CSMD2: variants seen among roughly 807,000 people sequenced by gnomAD.
CSMD2 encodes the protein CUB and sushi domain-containing protein 2.
Under a neutral mutation model 398.5 loss-of-function variants are expected in CSMD2, and 130 were observed. The observed-to-expected ratio is 0.33, with a 90% CI of 0.28 to 0.38. The LOEUF is 0.38. Ranked by LOEUF, CSMD2 falls within the 10% of genes least tolerant of loss-of-function variation. CSMD2 has a pLI of 1.00. For synonymous variants in CSMD2, 1,828 were observed against 1,908.5 expected (o/e 0.96, Z 1.10); for missense variants, 3,829 against 4,764.9 (o/e 0.80, Z 5.78).
At chr1:33,747,497 T>C (rs1647548259) in intron 13 of CSMD2, among the ~76,000 whole-genome samples, 1 of 152,228 alleles carries the variant, frequency 6.6e-6, no homozygotes, top group African/African-American at 2.4e-5. Flanking sequence ...TAATAGAATA[T>C]GAAATAGCTT....
At chr1:33,662,748 C>A (rs1644178788) in intron 26 of CSMD2, 142 bp downstream of exon 26, 5 of 829,982 alleles carry the variant, frequency 6.0e-6, no homozygotes, top group Non-Finnish European at 1.0e-5. Context: ...TGAACAGGTG[C>A]TAACCATGTA....
chr1:34,136,964 T>G (rs772680457), intron 1 of CSMD2, among the ~76,000 whole-genome samples: 3 of 152,082 alleles, frequency 2.0e-5, no homozygotes, highest in Admixed American at 6.6e-5. Flanking sequence ...ATCCATTCCA[T>G]CCATTGATCC....
chr1:34,126,857 G>T (rs1662792850), intron 1 of CSMD2, among the ~76,000 whole-genome samples: 1 of 151,768 alleles, frequency 6.6e-6, no homozygotes, highest in African/African-American at 2.4e-5. Context: ...AGGGAATAGG[G>T]ACACAGAGAC....
chr1:33,619,854 T>C (rs1641649775), intron 37 of CSMD2, among the ~76,000 whole-genome samples: 1 of 152,230 alleles, frequency 6.6e-6, no homozygotes. Flanking sequence ...TTTCAAGTGT[T>C]TCACTTGTCA....
At chr1:33,573,916 G>A (rs10798969) in intron 49 of CSMD2, among the ~76,000 whole-genome samples, 32,301 of 150,602 alleles carry the variant, frequency 0.21, 3,654 homozygotes, top group Non-Finnish European at 0.25. Flanking sequence ...TAGAAAGAGG[G>A]AAAAAAAAAT....
At chr1:33,566,109 A>C (rs1447622947) in intron 53 of CSMD2, among the ~76,000 whole-genome samples, 1 of 151,906 alleles carries the variant, frequency 6.6e-6, no homozygotes, top group East Asian at 1.9e-4. Context: ...AGAAAAAAAA[A>C]ACAGTGGGAA....
intron 13 of CSMD2, among the ~76,000 whole-genome samples, chr1:33,749,337 G>A (rs1647876176): frequency 1.3e-5 from 2 of 151,984 alleles, no homozygotes; most frequent in Non-Finnish European, 2.9e-5. Flanking sequence ...CTGACCTCAT[G>A]ATCCACCCGC....
At chr1:33,812,583 T>C (rs12043217) in intron 9 of CSMD2, among the ~76,000 whole-genome samples, 17,530 of 152,274 alleles carry the variant, frequency 0.12, 1,203 homozygotes, top group East Asian at 0.26. Context: ...CGAGGTCAGG[T>C]TTTAAAATTT....
chr1:33,857,990 C>A (rs1224499956), intron 5 of CSMD2, among the ~76,000 whole-genome samples: 1 of 152,196 alleles, frequency 6.6e-6, no homozygotes, highest in Admixed American at 6.5e-5. Flanking sequence ...TGTCCTGTAT[C>A]CTTTCATAGG....
At chr1:34,059,298 CCTT>C (rs1654202451) in intron 2 of CSMD2, among the ~76,000 whole-genome samples, 1 of 152,090 alleles carries the variant, frequency 6.6e-6, no homozygotes, top group Non-Finnish European at 1.5e-5. Flanking sequence ...ACCCATGGGC[CCTT>C]CTTCTGTGCC....
intron 4 of CSMD2, among the ~76,000 whole-genome samples, chr1:33,929,225 T>A (rs556326665): frequency 1.3e-5 from 2 of 152,132 alleles, no homozygotes; most frequent in African/African-American, 4.8e-5. Flanking sequence ...CGCCTGTCCC[T>A]CCACCTCTAC....
chr1:33,996,592 G>A (rs184291580), intron 3 of CSMD2, among the ~76,000 whole-genome samples: 18 of 152,298 alleles, frequency 1.2e-4, no homozygotes, highest in Admixed American at 1.2e-3. Context: ...CTCACTCAAG[G>A]GGCCACCCCT....
intron 3 of CSMD2, among the ~76,000 whole-genome samples, chr1:34,018,229 T>C (rs950704163): frequency 6.6e-6 from 1 of 152,214 alleles, no homozygotes; most frequent in Admixed American, 6.5e-5. Context: ...AATGCTATTA[T>C]ACTTTTAAAT....
intron 12 of CSMD2, among the ~76,000 whole-genome samples, chr1:33,774,136 T>A (rs1274676737): frequency 7.4e-6 from 1 of 135,130 alleles, no homozygotes; most frequent in Non-Finnish European, 1.6e-5. Context: ...TGTGTGTGTG[T>A]GTGTGTGTGT....
intron 44 of CSMD2, chr1:33,599,962 G>T: frequency 1.7e-6 from 1 of 597,408 alleles, no homozygotes; most frequent in Non-Finnish European, 3.0e-6. Context: ...TACTGCGGAG[G>T]CTGGGTTCTG....
At chr1:33,553,937 C>T (rs1195561517) in intron 55 of CSMD2, among the ~76,000 whole-genome samples, 1 of 152,060 alleles carries the variant, frequency 6.6e-6, no homozygotes, top group East Asian at 1.9e-4. Context: ...TAATCCAGAG[C>T]AAGGCCCTGA....
At chr1:33,714,480 G>T in intron 21 of CSMD2, 107 bp downstream of exon 21, 1 of 1,332,352 alleles carries the variant, frequency 7.5e-7, no homozygotes. Context: ...GGTAAGTGTG[G>T]GCTAAGTCAG....
At chr1:34,034,807 C>A (rs1273541562) in intron 2 of CSMD2, among the ~76,000 whole-genome samples, 1 of 152,026 alleles carries the variant, frequency 6.6e-6, no homozygotes, top group African/African-American at 2.4e-5. Flanking sequence ...TGACAAAAAA[C>A]TGTAAAAGAT....
intron 25 of CSMD2, among the ~76,000 whole-genome samples, chr1:33,678,025 G>A (rs1286526583): frequency 2.7e-5 from 4 of 150,590 alleles, no homozygotes; most frequent in East Asian, 2.0e-4. Context: ...GAGTTAATGC[G>A]TGCAGCACAC....
Sources: allele counts gnomAD v4.1 joint callset (sites outside exome capture counted in the v4.1 genomes callset), GRCh38; gene constraint gnomAD v4.1.1; transcripts MANE v1.5; gene names NCBI Gene and HGNC (gene_info 2026-07-23, HGNC 2026-07-21).